Variants in DGKI observed in about 807,000 individuals in gnomAD.
The protein encoded by DGKI is diacylglycerol kinase iota.
Under a neutral mutation model 147.5 loss-of-function variants are expected in DGKI, and 55 were observed. The observed-to-expected ratio is 0.37, with a 90% CI of 0.30 to 0.47. DGKI has a LOEUF of 0.47. DGKI is among the 20% of genes least tolerant of loss of function. The pLI, the probability that DGKI is intolerant of heterozygous loss-of-function variation, is 1.00. For synonymous variants in DGKI, 469 were observed against 477.1 expected (o/e 0.98, Z 0.22); for missense variants, 1,007 against 1,323.8 (o/e 0.76, Z 3.71).
At chr7:137,583,747 C>T (rs886578822) in intron 14 of DGKI, among the ~76,000 whole-genome samples, 8 of 151,952 alleles carry the variant, frequency 5.3e-5, no homozygotes, top group Non-Finnish European at 2.9e-5. Flanking sequence ...TTACAATATC[C>T]ATATGGTACT....
At chr7:137,550,655 GAA>G (rs1190707688) in intron 20 of DGKI, among the ~76,000 whole-genome samples, 1 of 152,096 alleles carries the variant, frequency 6.6e-6, no homozygotes, top group African/African-American at 2.4e-5. Context: ...GAGCAAATAC[GAA>G]TTCTCAACAC....
At chr7:137,802,041 A>G (rs2116965139) in intron 1 of DGKI, among the ~76,000 whole-genome samples, 1 of 152,366 alleles carries the variant, frequency 6.6e-6, no homozygotes, top group African/African-American at 2.4e-5. Context: ...GTATAATTAC[A>G]GCATGGAATA....
intron 19 of DGKI, among the ~76,000 whole-genome samples, chr7:137,564,941 T>C (rs926367069): frequency 5.3e-5 from 8 of 152,220 alleles, no homozygotes; most frequent in African/African-American, 1.9e-4. Flanking sequence ...AGGAACTCTG[T>C]CTACTAAATC....
intron 20 of DGKI, among the ~76,000 whole-genome samples, chr7:137,546,278 TC>T (rs1264745217): frequency 3.3e-5 from 5 of 151,988 alleles, no homozygotes; most frequent in African/African-American, 1.2e-4. Context: ...GACCATGGCC[TC>T]CCTTGCTCAG....
intron 20 of DGKI, among the ~76,000 whole-genome samples, chr7:137,549,938 G>A (rs774524397): frequency 2.6e-5 from 4 of 152,106 alleles, no homozygotes; most frequent in Non-Finnish European, 4.4e-5. Flanking sequence ...TGTGCTATCC[G>A]TATTGATTTT....
chr7:137,685,407 T>C (rs1041796567), intron 2 of DGKI, among the ~76,000 whole-genome samples: 2 of 152,146 alleles, frequency 1.3e-5, no homozygotes, highest in Admixed American at 1.3e-4. Flanking sequence ...TGGGGACAGA[T>C]GGGAGACACA....
rs527540991 is a variant in DGKI, at chr7:137,830,844, A to C, written c.401+15618T>G. On this transcript the variant is annotated intron_variant, in intron 1 of 32. Coordinates refer to ENST00000614521, the MANE Select transcript of DGKI (RefSeq NM_001321708.2). ...GAAGACAGCAGAATGTAATGGGAAA[A>C]GATAGGGGCTTTGGGTGACTTAGAA... 3.7e-4 allele frequency among the ~76,000 whole-genome samples: 56 copies of C among 152,334 alleles called. No individual in the cohort carries two copies. The South Asian group carries it at 0.01, about 28-fold the overall frequency.
intron 3 of DGKI, among the ~76,000 whole-genome samples, chr7:137,657,624 G>A (rs1435512637): frequency 6.6e-6 from 1 of 152,144 alleles, no homozygotes; most frequent in Non-Finnish European, 1.5e-5. Context: ...CTATAACTAA[G>A]CCTGTCTGTC....
intron 28 of DGKI, among the ~76,000 whole-genome samples, chr7:137,441,240 G>C (rs1813490560): frequency 6.6e-6 from 1 of 151,816 alleles, no homozygotes; most frequent in South Asian, 2.1e-4. Context: ...CTAACACGGT[G>C]AAACCCCGTC....
At position 137,633,987 on chromosome 7, in the gene DGKI, G is replaced by T. The variant is rs1361973773; in HGVS notation, c.805-10433C>A. Among the ~76,000 whole-genome samples the T allele has an allele frequency of 2.0e-5, 3 of 152,212 alleles. No individual in the cohort carries two copies. The East Asian group carries it at 5.8e-4, about 29-fold the overall frequency. On this transcript the variant is annotated intron_variant, in intron 6 of 32. Coordinates refer to ENST00000614521, the MANE Select transcript of DGKI (RefSeq NM_001321708.2). ...TGGAAGGTACATCAGAGGTCCTGGTGAGAAGAAAGGTGGGACATAAGCCCT... is the reference window on the plus strand; with the variant it reads ...TGGAAGGTACATCAGAGGTCCTGGTTAGAAGAAAGGTGGGACATAAGCCCT...
intron 10 of DGKI, among the ~76,000 whole-genome samples, chr7:137,604,714 A>G (rs2128991172): frequency 6.6e-6 from 1 of 152,308 alleles, no homozygotes; most frequent in African/African-American, 2.4e-5. Flanking sequence ...AGAGGTCAGA[A>G]CATTGCTTTA....
rs181027060 is a variant in DGKI at position 137,733,078 on chromosome 7, G to A, written c.402-43076C>T. Among the ~76,000 whole-genome samples, 716 of 150,616 alleles carry A rather than the reference G, an allele frequency of 4.8e-3. 4 individuals are homozygous for A. Among genetic ancestry groups the A allele is most frequent in the Non-Finnish European group, 7.2e-3 (487 of 67,596 alleles). On this transcript the variant is annotated intron_variant, in intron 1 of 32. Coordinates refer to ENST00000614521, the MANE Select transcript of DGKI (RefSeq NM_001321708.2). ...CAACCTTTGAAATTTTTTTTTTTTG[G>A]TAAAATACATATAACATAAAATGTA...
intron 1 of DGKI, among the ~76,000 whole-genome samples, chr7:137,827,134 G>A (rs951201448): frequency 1.3e-5 from 2 of 152,048 alleles, no homozygotes; most frequent in African/African-American, 4.8e-5. Context: ...TGGAGGCATG[G>A]CAGGGTGGAG....
intron 1 of DGKI, among the ~76,000 whole-genome samples, chr7:137,745,795 T>C (rs1323459900): frequency 6.6e-6 from 1 of 152,102 alleles, no homozygotes; most frequent in Non-Finnish European, 1.5e-5. Context: ...AAAAAACATA[T>C]GCTGAGGTTA....
intron 27 of DGKI, among the ~76,000 whole-genome samples, chr7:137,445,326 A>G (rs1299204137): frequency 6.6e-6 from 1 of 152,170 alleles, no homozygotes; most frequent in African/African-American, 2.4e-5. Context: ...CAACTGTGCA[A>G]ATCTCTTAAA....
rs182612072 is a variant in DGKI, at chr7:137,482,379, T to C, written c.2373+2995A>G. ...TTCTTGACTCATGAATAAACATAGA[T>C]AGAACAGTGGGCCCTCCTCTTTAAC... On this transcript the variant is annotated intron_variant, in intron 23 of 32. Coordinates refer to ENST00000614521, the MANE Select transcript of DGKI (RefSeq NM_001321708.2). Among the ~76,000 whole-genome samples the C allele has an allele frequency of 1.7e-3, 263 of 152,024 alleles. 3 individuals carry two copies. Among genetic ancestry groups the C allele is most frequent in the African/African-American group, 6.0e-3 (248 of 41,502 alleles).
chr7:137,762,946 A>G (rs1795905422), intron 1 of DGKI, among the ~76,000 whole-genome samples: 1 of 152,210 alleles, frequency 6.6e-6, no homozygotes, highest in Admixed American at 6.5e-5. Flanking sequence ...AGCTATTCAT[A>G]TCTGTTCAAA....
At chr7:137,604,545 C>A (rs528758231) in intron 10 of DGKI, among the ~76,000 whole-genome samples, 2 of 152,262 alleles carry the variant, frequency 1.3e-5, no homozygotes, top group East Asian at 1.9e-4. Context: ...ACAGACTGGA[C>A]ACCTCTTCCT....
rs1796832540 is a variant in DGKI at position 137,790,939 on chromosome 7, AGAGGCACCACTGG to A, written c.401+55510_401+55522del. Among the ~76,000 whole-genome samples, 6 of 152,330 alleles carry A rather than the reference AGAGGCACCACTGG, an allele frequency of 3.9e-5. No homozygotes were observed. The South Asian group carries it at 8.3e-4, about 21-fold the overall frequency. ...GGCTTAATTTTCTCTGTTCTCTCAG[AGAGGCACCACTGG>A]GGTCAGTGTTGCTACAGTCCAAAGG... On this transcript the variant is annotated intron_variant, in intron 1 of 32. Transcript: ENST00000614521.
Sources: allele counts gnomAD v4.1 joint callset (sites outside exome capture counted in the v4.1 genomes callset), GRCh38; gene constraint gnomAD v4.1.1; transcripts MANE v1.5; gene names NCBI Gene and HGNC (gene_info 2026-07-23, HGNC 2026-07-21).